NOP9: variants seen among roughly 807,000 people sequenced by gnomAD.
NOP9 encodes nucleolar protein 9.
Under a neutral mutation model 63.0 loss-of-function variants are expected in NOP9, and 50 were observed. The observed-to-expected ratio is 0.79, with a 90% CI of 0.63 to 1.00. The LOEUF (loss-of-function observed/expected upper bound fraction) is 1.00. Among genes scored for constraint, NOP9 ranks in the 50% least tolerant of loss-of-function variants. NOP9 has a pLI of 0.00. For missense variants in NOP9, 758 were observed against 803.0 expected (o/e 0.94, Z 0.68); for synonymous variants, 343 against 332.8 (o/e 1.03, Z -0.33).
chr14:24,274,007 A>G, the NOP9 span, among the ~76,000 whole-genome samples: 1 of 152,220 alleles, frequency 6.6e-6, no homozygotes, highest in African/African-American at 2.4e-5. Context: ...AGGGCTCAGT[A>G]TAGTAATAGG....
At chr14:24,292,907 G>A in the NOP9 span, 1 of 1,314,794 alleles carries the variant, frequency 7.6e-7, no homozygotes, top group Non-Finnish European at 1.0e-6. Context: ...ACACAGGGTG[G>A]GTTAGCGACC....
chr14:24,298,939 C>T, upstream of NOP9: 1 of 1,592,690 alleles, frequency 6.3e-7, no homozygotes, highest in Non-Finnish European at 8.6e-7. Context: ...CAACTGTGGT[C>T]CCAGAGGAAG....
Position 24,301,504 on chromosome 14 carries a change from C to T in NOP9, c.698-108C>T, listed in dbSNP as rs1030529044. The stretch of plus-strand genomic sequence containing the variant: ...CCAGAAGAGACATTTAGTTGTACTA[C>T]ATCTGTTCTGCATCTCCAAGCGGAA... On this transcript the variant is annotated intron_variant, in intron 2 of 9. Coordinates refer to ENST00000267425, the MANE Select transcript of NOP9 (RefSeq NM_174913.3). 3.0e-5 allele frequency: 40 copies of T among 1,341,168 alleles called. No individual in the cohort carries two copies. In the African/African-American group the frequency reaches 5.1e-4, roughly 17 times the overall value. 83.1% of individuals were successfully genotyped at this position (1,341,168 alleles called of 1,614,324 possible). A position where few individuals can be genotyped will look rare whatever the true frequency, so the allele number is the denominator to read the frequency against.
chr14:24,272,675 C>T, the NOP9 span, among the ~76,000 whole-genome samples: 8 of 152,230 alleles, frequency 5.3e-5, no homozygotes, highest in African/African-American at 1.9e-4. Context: ...TGTAATCTCT[C>T]AGCTCAGCAC....
rs2041392754 is a variant in NOP9, at chr14:24,302,315, A to G, written c.1034A>G (p.Gln345Arg). The G allele has an allele frequency of 6.2e-7, 1 of 1,614,150 alleles. No individual in the cohort carries two copies. The highest frequency in any genetic ancestry group is 1.3e-5 in the African/African-American group (1 of 75,042). Residue 345 changes from glutamine (Q) to arginine (R), a missense_variant, in exon 5 of 10, where the codon CAG becomes CGG. Gln to Arg is a conservative substitution (Grantham distance 43). Transcript: ENST00000267425. The part of the protein sequence containing the change: ...VLLVLEPPRL[Q>R]SLFEEHLQGQ... ...CTGGTGTTGGAGCCCCCAAGACTCCAGAGCCTCTTTGAGGAGCACTTGCAG... is the reference window on the plus strand; with the variant it reads ...CTGGTGTTGGAGCCCCCAAGACTCCGGAGCCTCTTTGAGGAGCACTTGCAG...
upstream of NOP9, chr14:24,299,102 G>T: frequency 6.2e-7 from 1 of 1,612,046 alleles, no homozygotes; most frequent in Non-Finnish European, 8.5e-7. Flanking sequence ...CATGGGAGCT[G>T]CCATGACTCA....
At chr14:24,290,901 A>G in the NOP9 span, 1 of 1,614,008 alleles carries the variant, frequency 6.2e-7, no homozygotes, top group Non-Finnish European at 8.5e-7. Context: ...ACTTGGGCAC[A>G]CGGAGGAAGG....
chr14:24,302,187 G>C lies in NOP9; in HGVS notation c.951-45G>C. On this transcript the variant is annotated intron_variant, in intron 4 of 9. Transcript: ENST00000267425. ...AGGTGATGTAGTGCAACTGTATTTT[G>C]CATGAAATGGAGTTAAGACTGCCTG... The C allele has an allele frequency of 1.9e-6, 3 of 1,600,072 alleles. No individual in the cohort carries two copies. The South Asian group carries it at 3.3e-5, about 18-fold the overall frequency.
chr14:24,290,688 C>G, the NOP9 span: 2 of 704,066 alleles, frequency 2.8e-6, no homozygotes, highest in Non-Finnish European at 4.6e-6. Context: ...AACCAAGGCA[C>G]AAAGAAGGGA....
chr14:24,300,548 CG>C lies in NOP9; in HGVS notation c.389del (p.Arg130ProfsTer57). The C allele has an allele frequency of 6.2e-7, 1 of 1,614,224 alleles. No homozygotes were observed. Among genetic ancestry groups the C allele is most frequent in the South Asian group, 1.1e-5 (1 of 91,092 alleles). ...GCTTTGTCGCGTGTGGGCTGCTCTG[CG>C]CTCTAACTTGCGCACTGTGGCCTGT... is the stretch of plus-strand genomic sequence containing the variant. ...KPLCRVWAAL[R>X]SNLRTVACHR... On this transcript the variant is annotated frameshift_variant, in exon 2 of 10. Transcript: ENST00000267425. LOFTEE classifies it high-confidence loss of function.
chr14:24,304,680 G>A, intron 9 of NOP9, 82 bp downstream of exon 9: 3 of 1,153,948 alleles, frequency 2.6e-6, no homozygotes, highest in South Asian at 1.5e-5. Flanking sequence ...GAAGTCTACT[G>A]AAATTCAACA....
chr14:24,308,065 C>T lies in NOP9; in HGVS notation c.*2970C>T. The T allele has an allele frequency of 1.7e-6, 1 of 600,218 alleles. No individual in the cohort carries two copies. Among genetic ancestry groups the T allele is most frequent in the Non-Finnish European group, 3.0e-6 (1 of 333,422 alleles). 37.2% of individuals were successfully genotyped at this position (600,218 alleles called of 1,614,324 possible). On this transcript the variant is annotated 3_prime_UTR_variant, in exon 10 of 10. Coordinates refer to ENST00000267425, the MANE Select transcript of NOP9 (RefSeq NM_174913.3). ...GGATGAGGGAGGGGCCAGATGGGGT[C>T]CTGGAGGAAGAATTGCCTGGCAAAA...
chr14:24,290,865 C>G, the NOP9 span: 5 of 1,613,616 alleles, frequency 3.1e-6, no homozygotes, highest in Admixed American at 1.7e-5. Flanking sequence ...AGGGTTAGAA[C>G]TTGCTAGTGT....
At chr14:24,278,783 C>T in the NOP9 span, among the ~76,000 whole-genome samples, 1 of 152,180 alleles carries the variant, frequency 6.6e-6, no homozygotes, top group African/African-American at 2.4e-5. Flanking sequence ...CTCATAGGCC[C>T]CAGACTCTGT....
Position 24,307,405 on chromosome 14 carries a change from A to C in NOP9, c.*2310A>C, listed in dbSNP as rs750266825. 6.2e-7 allele frequency: 1 copy of C among 1,613,880 alleles called. No individual in the cohort carries two copies. Among genetic ancestry groups the C allele is most frequent in the Admixed American group, 1.7e-5 (1 of 60,010 alleles). ...CAGCTCCTGGCGGGTGGCAGCTGTC[A>C]GGCCTTTCCGGATGGTCCGCTTGTG... On this transcript the variant is annotated 3_prime_UTR_variant, in exon 10 of 10. Transcript: ENST00000267425.
rs2041608274 is a variant in NOP9 at position 24,309,046 on chromosome 14, T to A, written c.*3951T>A. 6.6e-6 allele frequency: 1 copy of A among 152,278 alleles called. No individual in the cohort carries two copies. Among genetic ancestry groups the A allele is most frequent in the Admixed American group, 6.5e-5 (1 of 15,284 alleles). The allele number at this position is 152,278 out of a possible 1,614,324, so 9.4% of individuals were successfully genotyped here. A position where few individuals can be genotyped will look rare whatever the true frequency, so the allele number is the denominator to read the frequency against. On this transcript the variant is annotated 3_prime_UTR_variant, in exon 10 of 10. Coordinates refer to ENST00000267425, the MANE Select transcript of NOP9 (RefSeq NM_174913.3). ...TTTGGATATACCCAGGTAGAACAAC[T>A]CTCTCTCACTGTCTGTTGTGAGGAT...
At chr14:24,272,777 T>C in the NOP9 span, among the ~76,000 whole-genome samples, 81 of 152,336 alleles carry the variant, frequency 5.3e-4, no homozygotes, top group Admixed American at 2.7e-3. Context: ...CCTACAGAAA[T>C]ACTTGCAGTT....
In NOP9 at chr14:24,304,943, C is replaced by A; in HGVS notation, c.1759C>A (p.Gln587Lys). ...ATGAGTGGTTCCCTTTGCAGGGGAG[C>A]AGAACCAGGAGCTGATAAGAGACCC... The part of the protein sequence containing the change: ...RKEIAAELGE[Q>K]NQELIRDPFG... The change falls in exon 10 of 10, where the codon CAG (glutamine) becomes AAG (lysine). Residue 587 changes from glutamine (Q) to lysine (K), a missense_variant. By Grantham distance (53) the Gln-to-Lys change is moderately conservative. Transcript: ENST00000267425. 1 of 1,534,016 alleles carries A rather than the reference C, an allele frequency of 6.5e-7. No individual in the cohort carries two copies. Among genetic ancestry groups the A allele is most frequent in the Non-Finnish European group, 8.8e-7 (1 of 1,142,850 alleles).
chr14:24,281,668 G>A, the NOP9 span, among the ~76,000 whole-genome samples: 1 of 152,166 alleles, frequency 6.6e-6, no homozygotes, highest in South Asian at 2.1e-4. Flanking sequence ...GGTTGAGATG[G>A]GCCTGGCTGG....
Sources: allele counts gnomAD v4.1 joint callset (sites outside exome capture counted in the v4.1 genomes callset), GRCh38; gene constraint gnomAD v4.1.1; transcripts MANE v1.5; gene names NCBI Gene and HGNC (gene_info 2026-07-23, HGNC 2026-07-21).